The following DOCK2 variants were observed in gnomAD, a reference collection of about 807,000 sequenced individuals.
DOCK2 encodes dedicator of cytokinesis 2, also known as dedicator of cytokinesis protein 2.
A neutral mutation model predicts 248.9 loss-of-function variants in DOCK2; 87 were observed. The ratio of observed to expected loss-of-function variants is 0.35; its 90% CI spans 0.29 to 0.42. The LOEUF is 0.42. DOCK2 is among the 10% of genes least tolerant of loss of function. The pLI, the probability that DOCK2 is intolerant of heterozygous loss-of-function variation, is 1.00. For synonymous variants in DOCK2, 805 were observed against 821.6 expected, an observed-to-expected ratio of 0.98 and a Z score of 0.35; for missense variants, 1,747 against 2,300.2, an observed-to-expected ratio of 0.76 and a Z score of 4.92.
intron 2 of DOCK2, among the ~76,000 whole-genome samples, chr5:169,657,204 G>A (rs761186861): frequency 1.6e-4 from 25 of 152,168 alleles, no homozygotes; most frequent in Non-Finnish European, 3.4e-4. Flanking sequence ...GGTGCCTTGA[G>A]TGGCAGAAGG....
intron 27 of DOCK2, among the ~76,000 whole-genome samples, chr5:169,946,303 AG>A (rs1776446383): frequency 6.6e-6 from 1 of 152,184 alleles, no homozygotes; most frequent in South Asian, 2.1e-4. Context: ...ATCCGGAGGC[AG>A]GCATCTGAGG....
At chr5:169,839,144 C>T (rs1488898387) in intron 26 of DOCK2, among the ~76,000 whole-genome samples, 1 of 152,154 alleles carries the variant, frequency 6.6e-6, no homozygotes, top group African/African-American at 2.4e-5. Flanking sequence ...TGGCTAGGTT[C>T]TGGAGACACA....
chr5:169,804,091 G>C (rs1046146764), intron 26 of DOCK2, among the ~76,000 whole-genome samples: 7 of 152,066 alleles, frequency 4.6e-5, no homozygotes, highest in African/African-American at 1.4e-4. Context: ...CTCCTCCCTA[G>C]AACATCCTCA....
At chr5:169,835,260 G>GTTTTT (rs547978458) in intron 26 of DOCK2, among the ~76,000 whole-genome samples, 2 of 134,794 alleles carry the variant, frequency 1.5e-5, no homozygotes, top group Admixed American at 7.5e-5. Flanking sequence ...GAAATGCCTG[G>GTTTTT]TTTTTTTTTT....
intron 9 of DOCK2, among the ~76,000 whole-genome samples, chr5:169,689,970 G>A (rs1208317733): frequency 6.6e-6 from 1 of 152,144 alleles, no homozygotes; most frequent in African/African-American, 2.4e-5. Flanking sequence ...GGAAACAAGG[G>A]AAAGAAGGAG....
chr5:169,750,401 G>A (rs1763836341), intron 23 of DOCK2, among the ~76,000 whole-genome samples: 1 of 152,216 alleles, frequency 6.6e-6, no homozygotes, highest in Non-Finnish European at 1.5e-5. Context: ...TTTATCAGCT[G>A]CATGACCTTA....
At chr5:169,976,905 G>A (rs1206602181) in intron 27 of DOCK2, among the ~76,000 whole-genome samples, 3 of 152,216 alleles carry the variant, frequency 2.0e-5, no homozygotes, top group African/African-American at 7.2e-5. Context: ...TTCCTGTGAT[G>A]CTATGCCTTT....
In DOCK2 at chr5:170,069,232, C is replaced by A. The variant is rs956793210; in HGVS notation, c.4728+12C>A. ...TGATTGCATGGCAGGTGAGGCAGCG[C>A]TGGCCAGGGGAGCATGCTGCTCTCC... On this transcript the variant is annotated intron_variant, in intron 46 of 51. Transcript: ENST00000520908. 3 of 1,613,058 alleles carry A rather than the reference C, an allele frequency of 1.9e-6. No individual in the cohort carries two copies. The highest frequency in any genetic ancestry group is 2.7e-5 in the African/African-American group (2 of 74,894).
intron 27 of DOCK2, among the ~76,000 whole-genome samples, chr5:169,944,229 A>G (rs1473268872): frequency 3.3e-5 from 5 of 152,152 alleles, no homozygotes; most frequent in Non-Finnish European, 7.3e-5. Context: ...AGAGCTGGTG[A>G]GCCCCAACTC....
chr5:169,867,342 G>T (rs1055438870), intron 27 of DOCK2, among the ~76,000 whole-genome samples: 1 of 152,116 alleles, frequency 6.6e-6, no homozygotes, highest in Admixed American at 6.6e-5. Context: ...CTCACCCAAC[G>T]TGATAACAAA....
At chr5:169,867,655 T>C (rs1771672177) in intron 27 of DOCK2, among the ~76,000 whole-genome samples, 1 of 151,660 alleles carries the variant, frequency 6.6e-6, no homozygotes, top group Non-Finnish European at 1.5e-5. Flanking sequence ...TATCTACCTC[T>C]AGCATCTATT....
intron 26 of DOCK2, among the ~76,000 whole-genome samples, chr5:169,835,807 G>C (rs1379281703): frequency 6.6e-6 from 1 of 151,816 alleles, no homozygotes; most frequent in Non-Finnish European, 1.5e-5. Flanking sequence ...TGTTGCCCAG[G>C]CTGGAGTGCA....
chr5:169,794,691 G>A (rs193151110), intron 25 of DOCK2, among the ~76,000 whole-genome samples: 6 of 152,274 alleles, frequency 3.9e-5, no homozygotes, highest in African/African-American at 1.2e-4. Context: ...CTGGGAGGCC[G>A]AGGCGGGCGG....
At chr5:170,045,582 G>T (rs539151386) in intron 38 of DOCK2, among the ~76,000 whole-genome samples, 2 of 152,336 alleles carry the variant, frequency 1.3e-5, no homozygotes, top group South Asian at 2.1e-4. Context: ...TAAATAAAGG[G>T]TTTAGCCTCA....
chr5:169,826,861 G>C (rs559877481), intron 26 of DOCK2, among the ~76,000 whole-genome samples: 1 of 152,126 alleles, frequency 6.6e-6, no homozygotes, highest in East Asian at 1.9e-4. Flanking sequence ...TTTTTTCTGA[G>C]GTTTCTCAGC....
chr5:169,713,426 C>A (rs891056921), intron 17 of DOCK2, among the ~76,000 whole-genome samples: 2 of 152,068 alleles, frequency 1.3e-5, no homozygotes, highest in African/African-American at 2.4e-5. Flanking sequence ...TCTAGTCATT[C>A]ATTTTAACAT....
At chr5:170,060,127 G>A (rs1757278798) in intron 44 of DOCK2, among the ~76,000 whole-genome samples, 1 of 152,196 alleles carries the variant, frequency 6.6e-6, no homozygotes, top group Non-Finnish European at 1.5e-5. Context: ...TGAGCTTCAA[G>A]TATAAGTTCT....
At chr5:169,927,772 A>T (rs918439294) in intron 27 of DOCK2, among the ~76,000 whole-genome samples, 1 of 152,100 alleles carries the variant, frequency 6.6e-6, no homozygotes, top group Admixed American at 6.5e-5. Flanking sequence ...GCCCGCCACC[A>T]CGCCTGGCTA....
intron 2 of DOCK2, among the ~76,000 whole-genome samples, chr5:169,656,225 A>G (rs953630471): frequency 6.6e-6 from 1 of 152,152 alleles, no homozygotes; most frequent in African/African-American, 2.4e-5. Context: ...ATGCTACTGG[A>G]TGCTAATCCT....
Sources: gnomAD v4.1 joint callset for allele counts (sites outside exome capture counted in the v4.1 genomes callset) on GRCh38, gnomAD v4.1.1 for gene constraint, MANE v1.5 for transcripts, NCBI Gene and HGNC (gene_info 2026-07-23, HGNC 2026-07-21) for gene names.